The following ADAMTS6 variants were observed in gnomAD, a reference collection of about 807,000 sequenced individuals.
The protein encoded by ADAMTS6 is A disintegrin and metalloproteinase with thrombospondin motifs 6.
In ADAMTS6, 23 loss-of-function variants were observed where a neutral mutation model predicts 144.3. The ratio of observed to expected loss-of-function variants is 0.16; its 90% confidence interval spans 0.11 to 0.23. The LOEUF is 0.23. Ranked by LOEUF, ADAMTS6 falls within the 10% of genes least tolerant of loss-of-function variation. The pLI, the probability that ADAMTS6 is intolerant of heterozygous loss-of-function variation, is 1.00. For synonymous variants in ADAMTS6, 444 were observed against 457.5 expected, an observed-to-expected ratio of 0.97 and a Z score of 0.38; for missense variants, 999 against 1,379.6, an observed-to-expected ratio of 0.72 and a Z score of 4.37.
intron 7 of ADAMTS6, among the ~76,000 whole-genome samples, chr5:65,354,123 T>G (rs1749107190): frequency 6.6e-6 from 1 of 151,904 alleles, no homozygotes; most frequent in Admixed American, 6.6e-5. Context: ...TGTTGATCTC[T>G]TCCTTGAGCT....
intron 7 of ADAMTS6, among the ~76,000 whole-genome samples, chr5:65,403,815 C>T (rs892375615): frequency 1.1e-4 from 16 of 152,024 alleles, no homozygotes; most frequent in African/African-American, 3.1e-4. Flanking sequence ...TTTATCACTA[C>T]GTACCTTATT....
intron 7 of ADAMTS6, among the ~76,000 whole-genome samples, chr5:65,398,765 G>GCGAGAAAGAA (rs1481744286): frequency 2.1e-5 from 3 of 143,956 alleles, no homozygotes; most frequent in African/African-American, 7.7e-5. Context: ...AAGAGAGAGA[G>GCGAGAAAGAA]AGAAAGAAGA....
At chr5:65,286,977 TACTCTA>T (rs1741730818) in intron 11 of ADAMTS6, among the ~76,000 whole-genome samples, 1 of 152,214 alleles carries the variant, frequency 6.6e-6, no homozygotes, top group African/African-American at 2.4e-5. Flanking sequence ...AAGAGCTTAT[TACTCTA>T]AAAAGCCAAA....
At chr5:65,233,967 A>T (rs1758458273) in intron 15 of ADAMTS6, among the ~76,000 whole-genome samples, 1 of 151,954 alleles carries the variant, frequency 6.6e-6, no homozygotes, top group Admixed American at 6.6e-5. Context: ...GCCTGAAAAT[A>T]AGCCCATGCA....
intron 9 of ADAMTS6, among the ~76,000 whole-genome samples, chr5:65,312,655 C>A (rs1457715034): frequency 6.6e-6 from 1 of 152,014 alleles, no homozygotes; most frequent in Non-Finnish European, 1.5e-5. Flanking sequence ...TCTCCCCATA[C>A]CATACACAAT....
At chr5:65,235,043 T>C (rs537252715) in intron 15 of ADAMTS6, among the ~76,000 whole-genome samples, 2 of 152,258 alleles carry the variant, frequency 1.3e-5, no homozygotes, top group East Asian at 3.9e-4. Flanking sequence ...GTCAAACTCA[T>C]AGAAACAGAG....
intron 7 of ADAMTS6, among the ~76,000 whole-genome samples, chr5:65,337,504 T>A (rs1399531425): frequency 2.0e-5 from 3 of 152,126 alleles, no homozygotes; most frequent in African/African-American, 7.2e-5. Flanking sequence ...AGCCCCATAT[T>A]TCTTACAAAT....
At chr5:65,404,399 G>C (rs991564109) in intron 7 of ADAMTS6, among the ~76,000 whole-genome samples, 3 of 152,060 alleles carry the variant, frequency 2.0e-5, no homozygotes, top group African/African-American at 7.2e-5. Context: ...TATGGTGTTT[G>C]GTCTTCTGTC....
At chr5:65,324,631 C>G in intron 9 of ADAMTS6, among the ~76,000 whole-genome samples, 1 of 151,476 alleles carries the variant, frequency 6.6e-6, no homozygotes, top group Middle Eastern at 3.5e-3. Flanking sequence ...TGTATATATA[C>G]ACACATAATA....
intron 9 of ADAMTS6, among the ~76,000 whole-genome samples, chr5:65,307,747 A>G (rs16893675): frequency 0.016 from 2,381 of 152,284 alleles, 58 homozygotes; most frequent in African/African-American, 0.055. Flanking sequence ...CCAGTTTTCA[A>G]GTGAATTCTA....
At chr5:65,290,094 GAAT>G (rs923105198) in intron 11 of ADAMTS6, among the ~76,000 whole-genome samples, 27 of 151,984 alleles carry the variant, frequency 1.8e-4, no homozygotes, top group African/African-American at 5.1e-4. Flanking sequence ...AGCCTAACAA[GAAT>G]AATAATAATA....
In ADAMTS6 at chr5:65,149,811, T is replaced by C. The variant is rs759107028; in HGVS notation, c.*2025A>G. ...AGGGAATTCAGTGCTCGGGCCATAC[T>C]ACCCATGGGCTGTTTGCCCTTCACT... On this transcript the variant is annotated 3_prime_UTR_variant, in exon 25 of 25. Transcript: ENST00000381055. The C allele has an allele frequency of 5.2e-5, 8 of 152,672 alleles. No homozygotes were observed. Among genetic ancestry groups the C allele is most frequent in the Non-Finnish European group, 8.8e-5 (6 of 68,046 alleles). 9.5% of individuals were successfully genotyped at this position (152,672 alleles called of 1,614,324 possible). A position where few individuals can be genotyped will look rare whatever the true frequency, so the allele number is the denominator to read the frequency against.
chr5:65,225,046 T>G lies in ADAMTS6; in HGVS notation c.2069A>C (p.His690Pro), dbSNP rs747728651. The change falls in exon 17 of 25, where the codon CAC (histidine) becomes CCC (proline). Residue 690 changes from histidine to proline, a missense_variant and splice_region_variant. By Grantham distance (77) the His-to-Pro change is moderately conservative. This residue lies in a region of ADAMTS6 where 619 missense variants were observed against 837.0 expected (regional missense o/e 0.74). Coordinates refer to ENST00000381055, the MANE Select transcript of ADAMTS6 (RefSeq NM_197941.4). ...TCCCAAAATATTATCACAGCCTACG[T>G]GCTGAAAACAGAGAGGAATATTCAG... ...LDICINGECK[H>P]VGCDNILGSD... The G allele has an allele frequency of 3.1e-6, 5 of 1,613,424 alleles. No homozygotes were observed. In the South Asian group the frequency reaches 4.4e-5, roughly 14 times the overall value.
chr5:65,371,589 C>T (rs1317604069), intron 7 of ADAMTS6, among the ~76,000 whole-genome samples: 50 of 151,834 alleles, frequency 3.3e-4, no homozygotes, highest in Admixed American at 5.9e-4. Flanking sequence ...TAAAAAGAAA[C>T]GAACAAAGCC....
At chr5:65,301,556 A>G (rs1743373802) in intron 9 of ADAMTS6, among the ~76,000 whole-genome samples, 2 of 152,218 alleles carry the variant, frequency 1.3e-5, no homozygotes, top group Admixed American at 1.3e-4. Flanking sequence ...GTCAGGGAAT[A>G]TGGAATTGAT....
intron 7 of ADAMTS6, among the ~76,000 whole-genome samples, chr5:65,411,147 T>C (rs1755012636): frequency 6.6e-6 from 1 of 152,174 alleles, no homozygotes; most frequent in Non-Finnish European, 1.5e-5. Flanking sequence ...CTGCTTCTTT[T>C]TTAAGGGTAA....
At chr5:65,216,222 G>A (rs1756907312) in intron 18 of ADAMTS6, among the ~76,000 whole-genome samples, 1 of 151,930 alleles carries the variant, frequency 6.6e-6, no homozygotes, top group Non-Finnish European at 1.5e-5. Flanking sequence ...AACAAATTGT[G>A]GTATTATAAT....
At chr5:65,203,451 C>G (rs972018122) in intron 20 of ADAMTS6, among the ~76,000 whole-genome samples, 1 of 152,100 alleles carries the variant, frequency 6.6e-6, no homozygotes, top group Non-Finnish European at 1.5e-5. Context: ...TAAGTAAGAG[C>G]TTGTTTTTGG....
At chr5:65,421,470 C>G (rs1278762532) in intron 7 of ADAMTS6, among the ~76,000 whole-genome samples, 2 of 152,100 alleles carry the variant, frequency 1.3e-5, no homozygotes, top group African/African-American at 4.8e-5. Flanking sequence ...TATAGGTTAC[C>G]TTGATGCTTT....
Sources: allele counts gnomAD v4.1 joint callset (sites outside exome capture counted in the v4.1 genomes callset), GRCh38; gene constraint gnomAD v4.1.1; regional missense constraint gnomAD v4.1.1; transcripts MANE v1.5; gene names NCBI Gene and HGNC (gene_info 2026-07-23, HGNC 2026-07-21).